Variants in ANKRD66 observed in about 807,000 individuals in gnomAD.
The protein encoded by ANKRD66 is ankyrin repeat domain-containing protein 66.
In ANKRD66, 10 loss-of-function variants were observed where a neutral mutation model predicts 10.9. The ratio of observed to expected loss-of-function variants is 0.91; its 90% CI spans 0.56 to 1.55. ANKRD66 has a LOEUF of 1.55. Among genes scored for constraint, ANKRD66 ranks in the 40% most tolerant of loss-of-function variants. The pLI is 0.00. For missense variants in ANKRD66, 252 were observed against 242.9 expected, an observed-to-expected ratio of 1.04 and a Z score of -0.25; for synonymous variants, 85 against 88.4, an observed-to-expected ratio of 0.96 and a Z score of 0.22.
intron 3 of ANKRD66, among the ~76,000 whole-genome samples, chr6:46,752,805 T>C (rs986988624): frequency 2.6e-5 from 4 of 152,186 alleles, no homozygotes; most frequent in Non-Finnish European, 5.9e-5. Flanking sequence ...CATTCCTCAT[T>C]GAATCCCCCA....
chr6:46,749,832 C>A, intron 1 of ANKRD66, 64 bp from the exon 2 acceptor site: 1 of 1,500,898 alleles, frequency 6.7e-7, no homozygotes, highest in Non-Finnish European at 8.9e-7. Context: ...TTCTTTCTCT[C>A]TGTCCTCTGG....
At chr6:46,751,009 G>C (rs955975903) in intron 2 of ANKRD66, among the ~76,000 whole-genome samples, 2 of 152,024 alleles carry the variant, frequency 1.3e-5, no homozygotes, top group Admixed American at 6.6e-5. Context: ...ACATTTCATT[G>C]TACAATATTC....
At chr6:46,758,580 A>G (rs1279596151) in intron 4 of ANKRD66, 143 bp from the exon 5 acceptor site, 4 of 718,564 alleles carry the variant, frequency 5.6e-6, no homozygotes, top group Non-Finnish European at 8.4e-6. Flanking sequence ...ACCTTCCCTA[A>G]GTGTATGCTT....
At chr6:46,749,567 C>CT (rs1450913241) in intron 1 of ANKRD66, among the ~76,000 whole-genome samples, 2 of 103,084 alleles carry the variant, frequency 1.9e-5, no homozygotes, top group African/African-American at 7.8e-5. Context: ...CCCCCCCCCC[C>CT]GCTTTTTTCT....
intron 3 of ANKRD66, among the ~76,000 whole-genome samples, chr6:46,752,978 G>A (rs1766300508): frequency 1.3e-5 from 2 of 152,208 alleles, no homozygotes; most frequent in South Asian, 4.1e-4. Flanking sequence ...TTCTTGTGTG[G>A]AGAATGGGTT....
intron 3 of ANKRD66, 66 bp downstream of exon 3, chr6:46,752,177 T>C (rs1582605880): frequency 7.4e-7 from 1 of 1,346,744 alleles, no homozygotes; most frequent in Middle Eastern, 2.7e-4. Context: ...TATCAATCAG[T>C]AGGCTATGTG....
intron 1 of ANKRD66, among the ~76,000 whole-genome samples, chr6:46,747,350 G>A (rs1006710020): frequency 6.6e-6 from 1 of 152,174 alleles, no homozygotes; most frequent in Non-Finnish European, 1.5e-5. Flanking sequence ...TTAAAATGTA[G>A]AATTCAGTGG....
chr6:46,753,959 A>T lies in ANKRD66; in HGVS notation c.392+9A>T. The T allele has an allele frequency of 6.5e-7, 1 of 1,548,544 alleles. No individual in the cohort carries two copies. Reference sequence around the variant, plus strand: ...GTGGCATTTCTGGAAAAGTAAGTTTATTTTTTTTCCACCTATAGAAGGAGC... The same window carrying T: ...GTGGCATTTCTGGAAAAGTAAGTTTTTTTTTTTTCCACCTATAGAAGGAGC... On this transcript the variant is annotated intron_variant, in intron 4 of 4. Transcript: ENST00000565422.
intron 1 of ANKRD66, among the ~76,000 whole-genome samples, chr6:46,747,508 T>C (rs1447699303): frequency 1.3e-5 from 2 of 152,224 alleles, no homozygotes; most frequent in South Asian, 2.1e-4. Context: ...ATTCTAGCTA[T>C]CTAGATTTGC....
chr6:46,758,768 G>A lies in ANKRD66; in HGVS notation c.438G>A (p.Lys146=). ...CQDHRCAAQQ[K]GLPLDERDED... ...ACCACCGTTGCGCTGCCCAGCAGAA[G>A]GGGCTGCCTCTGGATGAGCGTGATG... The change falls in exon 5 of 5, where the codon AAG becomes AAA. Residue 146 remains lysine (K), a synonymous_variant. Coordinates refer to ENST00000565422, the MANE Select transcript of ANKRD66 (RefSeq NM_001162435.3). The A allele has an allele frequency of 6.4e-7, 1 of 1,551,076 alleles. No individual in the cohort carries two copies. Among genetic ancestry groups the A allele is most frequent in the Non-Finnish European group, 8.7e-7 (1 of 1,146,814 alleles).
chr6:46,753,524 A>G (rs1183769435), intron 3 of ANKRD66, among the ~76,000 whole-genome samples, 198 bp from the exon 4 acceptor site: 1 of 152,036 alleles, frequency 6.6e-6, no homozygotes, highest in Non-Finnish European at 1.5e-5. Flanking sequence ...GGGTGGGAAC[A>G]AGGTTCGTGG....
chr6:46,750,075 C>G, intron 2 of ANKRD66, 96 bp downstream of exon 2: 1 of 658,596 alleles, frequency 1.5e-6, no homozygotes, highest in Non-Finnish European at 2.7e-6. Flanking sequence ...GACTCCAGCT[C>G]CTTCTTATGA....
intron 4 of ANKRD66, among the ~76,000 whole-genome samples, chr6:46,755,196 A>G (rs1424780553): frequency 1.3e-5 from 2 of 152,072 alleles, no homozygotes; most frequent in Non-Finnish European, 2.9e-5. Flanking sequence ...TTAATTCTCA[A>G]CCCAGCACAT....
In ANKRD66 at chr6:46,758,952, C is replaced by T; in HGVS notation, c.*31C>T. 1 of 1,512,056 alleles carries T rather than the reference C, an allele frequency of 6.6e-7. No individual in the cohort carries two copies. Among genetic ancestry groups the T allele is most frequent in the Non-Finnish European group, 8.9e-7 (1 of 1,126,226 alleles). 93.7% of individuals were successfully genotyped at this position (1,512,056 alleles called of 1,614,324 possible). On this transcript the variant is annotated 3_prime_UTR_variant, in exon 5 of 5. Coordinates refer to ENST00000565422, the MANE Select transcript of ANKRD66 (RefSeq NM_001162435.3). The stretch of plus-strand genomic sequence containing the variant: ...CAACCTTATGTTTTCTGGCAAGGAA[C>T]TTTCCCTGGTGCCAGAAATGAGGCT...
At chr6:46,751,293 T>C (rs1376229194) in intron 2 of ANKRD66, among the ~76,000 whole-genome samples, 1 of 152,228 alleles carries the variant, frequency 6.6e-6, no homozygotes, top group East Asian at 1.9e-4. Context: ...AAAACAGCTT[T>C]GACTTCACAG....
rs372856433 is a variant in ANKRD66, at chr6:46,759,254, C to A, written c.*333C>A. ...AATTAACTTCATCCCTGATAACGAT[C>A]GAGAGATAATGTAAAATAATGAACA... On this transcript the variant is annotated 3_prime_UTR_variant, in exon 5 of 5. Transcript: ENST00000565422. The A allele has an allele frequency of 1.1e-5, 2 of 186,578 alleles. No individual in the cohort carries two copies. Among genetic ancestry groups the A allele is most frequent in the Non-Finnish European group, 1.1e-5 (1 of 91,502 alleles). 11.6% of individuals were successfully genotyped at this position (186,578 alleles called of 1,614,324 possible). A position where few individuals can be genotyped will look rare whatever the true frequency, so the allele number is the denominator to read the frequency against.
chr6:46,750,351 A>G (rs1766243967), intron 2 of ANKRD66, among the ~76,000 whole-genome samples: 1 of 152,136 alleles, frequency 6.6e-6, no homozygotes. Context: ...AAACTGTAAT[A>G]AACTTATTAC....
At chr6:46,753,661 C>G in intron 3 of ANKRD66, 61 bp from the exon 4 acceptor site, 1 of 1,462,588 alleles carries the variant, frequency 6.8e-7, no homozygotes, top group Admixed American at 2.5e-5. Flanking sequence ...TGGCCCTGGC[C>G]TCAAGCCACT....
chr6:46,750,092 C>G (rs943088654), intron 2 of ANKRD66, 113 bp downstream of exon 2: 2 of 604,756 alleles, frequency 3.3e-6, no homozygotes, highest in Admixed American at 2.5e-5. Flanking sequence ...ATGATCCCAA[C>G]TTAAATCTTG....
Sources: allele counts gnomAD v4.1 joint callset (sites outside exome capture counted in the v4.1 genomes callset), GRCh38; gene constraint gnomAD v4.1.1; transcripts MANE v1.5; gene names NCBI Gene and HGNC (gene_info 2026-07-23, HGNC 2026-07-21).